RPH3A: variants seen among roughly 807,000 people sequenced by gnomAD.
The protein encoded by RPH3A is rabphilin-3A.
RPH3A carries 48 observed loss-of-function variants against 102.2 expected under a neutral mutation model. The ratio of observed to expected loss-of-function variants is 0.47; its 90% CI spans 0.37 to 0.60. RPH3A has a LOEUF of 0.60. Ranked by LOEUF, RPH3A falls within the 20% of genes least tolerant of loss-of-function variation. The probability of loss-of-function intolerance (pLI) is 0.00; values close to 1 mark genes in which losing one functional copy is unlikely to be tolerated. For synonymous variants in RPH3A, 310 were observed against 324.3 expected (o/e 0.96, Z 0.47); for missense variants, 781 against 910.1 (o/e 0.86, Z 1.83).
intron 1 of RPH3A, among the ~76,000 whole-genome samples, chr12:112,706,586 G>T (rs899410422): frequency 2.0e-5 from 3 of 152,178 alleles, no homozygotes; most frequent in African/African-American, 7.2e-5. Flanking sequence ...TTAGGAAGTG[G>T]TTTTTACACA....
At chr12:112,689,989 T>A (rs2040294312) in intron 1 of RPH3A, among the ~76,000 whole-genome samples, 1 of 152,240 alleles carries the variant, frequency 6.6e-6, no homozygotes, top group Non-Finnish European at 1.5e-5. Context: ...CTGATGCTTT[T>A]CTGAAAAGTG....
In RPH3A at chr12:112,689,446, C is replaced by G. The variant is rs79232516; in HGVS notation, c.-139-102697C>G. Among the ~76,000 whole-genome samples, 544 of 152,228 alleles carry G rather than the reference C, an allele frequency of 3.6e-3. 11 individuals carry two copies. Among genetic ancestry groups the G allele is most frequent in the Admixed American group, 0.027 (415 of 15,298 alleles). On this transcript the variant is annotated intron_variant, in intron 1 of 21. Transcript: ENST00000543106. The stretch of plus-strand genomic sequence containing the variant: ...TTCCAATTTAAAGCACTATGAAGAC[C>G]GTATATATTCAAAGCTAAATAAAAC...
intron 1 of RPH3A, among the ~76,000 whole-genome samples, chr12:112,700,446 C>T (rs184624652): frequency 9.6e-4 from 146 of 152,260 alleles, no homozygotes; most frequent in African/African-American, 3.4e-3. Context: ...ACTCCTAAGT[C>T]GGAAACTCCT....
chr12:112,647,866 G>T (rs563302659), intron 1 of RPH3A, among the ~76,000 whole-genome samples: 1 of 152,342 alleles, frequency 6.6e-6, no homozygotes, highest in East Asian at 1.9e-4. Flanking sequence ...GTGAATGAAA[G>T]TCAAATGCTT....
intron 13 of RPH3A, among the ~76,000 whole-genome samples, chr12:112,878,580 G>A (rs2042849105): frequency 6.6e-6 from 1 of 152,190 alleles, no homozygotes; most frequent in Non-Finnish European, 1.5e-5. Context: ...TGGAGACAGA[G>A]CACCATAAAA....
intron 1 of RPH3A, among the ~76,000 whole-genome samples, chr12:112,713,020 T>TTCC (rs201916387): frequency 5.1e-5 from 4 of 78,508 alleles, no homozygotes; most frequent in African/African-American, 2.0e-4. Context: ...CCTCTTCCTC[T>TTCC]TCCTCTTCTT....
chr12:112,706,440 T>C (rs943150188), intron 1 of RPH3A, among the ~76,000 whole-genome samples: 9 of 152,180 alleles, frequency 5.9e-5, no homozygotes, highest in Admixed American at 2.6e-4. Flanking sequence ...TTCTATTCTC[T>C]TCTCCTTTTC....
intron 1 of RPH3A, among the ~76,000 whole-genome samples, chr12:112,619,246 C>CTGTGTGTGTGTGTGTG (rs60894997): frequency 8.0e-6 from 1 of 125,366 alleles, no homozygotes; most frequent in Non-Finnish European, 1.7e-5. Context: ...TATGGTAATT[C>CTGTGTGTGTGTGTGTG]TGTGTGTGTG....
intron 1 of RPH3A, among the ~76,000 whole-genome samples, chr12:112,764,594 T>C (rs2040875731): frequency 6.6e-6 from 1 of 152,228 alleles, no homozygotes; most frequent in African/African-American, 2.4e-5. Context: ...TTTCAAAATA[T>C]GTCAAAGCAA....
At chr12:112,894,254 G>C (rs547287948) in intron 19 of RPH3A, 1 of 364,228 alleles carries the variant, frequency 2.7e-6, no homozygotes, top group South Asian at 5.0e-5. Context: ...TAAGAACACA[G>C]ACTCTAGATG....
At chr12:112,607,719 C>T (rs1435516785) in intron 1 of RPH3A, among the ~76,000 whole-genome samples, 1 of 152,174 alleles carries the variant, frequency 6.6e-6, no homozygotes, top group East Asian at 1.9e-4. Context: ...TTGAGTGTGG[C>T]TCTTGGTGAA....
rs140041856 is a variant in RPH3A, at chr12:112,785,209, C to T, written c.-139-6934C>T. 8.9e-3 allele frequency among the ~76,000 whole-genome samples: 1,249 copies of T among 140,416 alleles called. 15 individuals are homozygous for T. Among genetic ancestry groups the T allele is most frequent in the African/African-American group, 0.031 (1,169 of 37,632 alleles). 92.1% of individuals were successfully genotyped at this position (140,416 alleles called of 152,430 possible). On this transcript the variant is annotated intron_variant, in intron 1 of 21. Transcript: ENST00000543106. The stretch of plus-strand genomic sequence containing the variant: ...TGAACTCCAGCCTGGACAACAAAAG[C>T]GAAACTCCCATCTCAAAAAAGAAAA...
intron 1 of RPH3A, among the ~76,000 whole-genome samples, chr12:112,590,722 T>C (rs73431623): frequency 0.016 from 2,437 of 152,358 alleles, 57 homozygotes; most frequent in African/African-American, 0.054. Flanking sequence ...AGAAGTCTCA[T>C]GTAAAATTCC....
chr12:112,662,020 G>A (rs2040052132), intron 1 of RPH3A, among the ~76,000 whole-genome samples: 1 of 152,158 alleles, frequency 6.6e-6, no homozygotes, highest in African/African-American at 2.4e-5. Context: ...TTCTGACTGA[G>A]ACATAATTGC....
At chr12:112,744,674 C>T (rs1224491665) in intron 1 of RPH3A, among the ~76,000 whole-genome samples, 1 of 152,068 alleles carries the variant, frequency 6.6e-6, no homozygotes, top group Non-Finnish European at 1.5e-5. Flanking sequence ...CACTATTAGC[C>T]CCATTCTACA....
rs532129646 is a variant in RPH3A at position 112,812,701 on chromosome 12, C to A, written c.-18-15600C>A. 3.9e-5 allele frequency among the ~76,000 whole-genome samples: 6 copies of A among 152,316 alleles called. No individual in the cohort carries two copies. The South Asian group carries it at 1.2e-3, about 32-fold the overall frequency. ...TCTCTCTCTCTCTTCCCCTCTCTCC[C>A]TCTCTCCCTCACATACACACAAAAC... On this transcript the variant is annotated intron_variant, in intron 2 of 21. Coordinates refer to ENST00000389385, the MANE Select transcript of RPH3A (RefSeq NM_001143854.2).
In RPH3A at chr12:112,897,959, C is replaced by G. The variant is rs1000367055; in HGVS notation, c.*1179C>G. The G allele has an allele frequency of 1.3e-5, 2 of 152,354 alleles. No homozygotes were observed. Among genetic ancestry groups the G allele is most frequent in the African/African-American group, 2.4e-5 (1 of 41,452 alleles). 9.4% of individuals were successfully genotyped at this position (152,354 alleles called of 1,614,324 possible). A position where few individuals can be genotyped will look rare whatever the true frequency, so the allele number is the denominator to read the frequency against. On this transcript the variant is annotated 3_prime_UTR_variant, in exon 22 of 22. Coordinates refer to ENST00000389385, the MANE Select transcript of RPH3A (RefSeq NM_001143854.2). ...CTCCAGCCTTTCTCCTTTCTCCGCT[C>G]TTAGGTAAATGAACAAGCTACCCTC... is the stretch of plus-strand genomic sequence containing the variant.
Position 112,743,336 on chromosome 12 carries a change from T to A in RPH3A, c.-139-48807T>A, listed in dbSNP as rs115539763. ...CAGGCAGACCAAACCACATCACCTT[T>A]GCTGCAGGAGCAACTCTAGATGTGC... On this transcript the variant is annotated intron_variant, in intron 1 of 21. Coordinates refer to the RPH3A transcript ENST00000543106. Among the ~76,000 whole-genome samples the A allele has an allele frequency of 3.6e-3, 546 of 152,322 alleles. 4 individuals carry two copies. The highest frequency in any genetic ancestry group is 0.012 in the African/African-American group (505 of 41,574).
chr12:112,733,190 C>A (rs2040645722), intron 1 of RPH3A, among the ~76,000 whole-genome samples: 1 of 152,118 alleles, frequency 6.6e-6, no homozygotes. Context: ...CAGATTTGCA[C>A]ACACACCCGT....
Sources: gnomAD v4.1 joint callset for allele counts (sites outside exome capture counted in the v4.1 genomes callset) on GRCh38, gnomAD v4.1.1 for gene constraint, MANE v1.5 for transcripts, NCBI Gene and HGNC (gene_info 2026-07-23, HGNC 2026-07-21) for gene names.